ST3GAL1: variants seen among roughly 807,000 people sequenced by gnomAD.
ST3GAL1 encodes ST3 beta-galactoside alpha-2,3-sialyltransferase 1, also known as CMP-N-acetylneuraminate-beta-galactosamide-alpha-2,3-sialyltransferase 1.
In ST3GAL1, 16 loss-of-function variants were observed where a neutral mutation model predicts 34.1. The ratio of observed to expected loss-of-function variants is 0.47; its 90% confidence interval spans 0.32 to 0.71. The LOEUF (loss-of-function observed/expected upper bound fraction) is 0.71. Ranked by LOEUF, ST3GAL1 falls within the 30% of genes least tolerant of loss-of-function variation. The pLI is 0.04. For synonymous variants in ST3GAL1, 191 were observed against 184.7 expected, an observed-to-expected ratio of 1.03 and a Z score of -0.28; for missense variants, 353 against 447.4, an observed-to-expected ratio of 0.79 and a Z score of 1.90.
At chr8:133,565,838 G>T (rs955757973) in intron 1 of ST3GAL1, among the ~76,000 whole-genome samples, 1 of 141,128 alleles carries the variant, frequency 7.1e-6, no homozygotes, top group Middle Eastern at 3.4e-3. Context: ...GATGGGCCAG[G>T]GCCAGGGCCA....
intron 2 of ST3GAL1, chr8:133,539,849 T>C (rs981366851): frequency 6.6e-6 from 1 of 152,208 alleles, no homozygotes; most frequent in African/African-American, 2.4e-5. Flanking sequence ...TGAGTTGTGA[T>C]GGCACAACTG....
intron 3 of ST3GAL1, among the ~76,000 whole-genome samples, chr8:133,478,402 A>G (rs980826586): frequency 1.3e-5 from 2 of 152,150 alleles, no homozygotes; most frequent in African/African-American, 4.8e-5. Context: ...CCTGCTGGCT[A>G]TTTTGCTAGC....
intron 3 of ST3GAL1, among the ~76,000 whole-genome samples, chr8:133,486,131 A>G (rs544136763): frequency 6.6e-6 from 1 of 152,186 alleles, no homozygotes. Flanking sequence ...CACCTACCCA[A>G]GGCCCTCGGC....
At chr8:133,569,274 G>T (rs1023008579) in intron 1 of ST3GAL1, among the ~76,000 whole-genome samples, 1 of 152,200 alleles carries the variant, frequency 6.6e-6, no homozygotes, top group Non-Finnish European at 1.5e-5. Flanking sequence ...TTTTGAAAAG[G>T]CAAGAGGAGA....
At position 133,504,926 on chromosome 8, in the gene ST3GAL1, G is replaced by C. The variant is rs548172506; in HGVS notation, c.-428-5737C>G. Among the ~76,000 whole-genome samples the C allele has an allele frequency of 2.3e-4, 35 of 152,202 alleles. No homozygotes were observed. In the South Asian group the frequency reaches 2.5e-3, roughly 11 times the overall value. On this transcript the variant is annotated intron_variant, in intron 2 of 9. Transcript: ENST00000522652. ...GGGGAAGTAGAAAGAGTTGGTAATG[G>C]GGAGGAGAATCCACGATCTCGAAGT... is the stretch of plus-strand genomic sequence containing the variant.
chr8:133,478,081 T>C lies in ST3GAL1; in HGVS notation c.-373-1481A>G, dbSNP rs188924429. On this transcript the variant is annotated intron_variant, in intron 3 of 9. Coordinates refer to ENST00000522652, the MANE Select transcript of ST3GAL1 (RefSeq NM_173344.3). ...AGTTGGCAACGTCATTTTTATCCGG[T>C]CTCTGCTCCAGTTTTCACTTTTCAT... Among the ~76,000 whole-genome samples, 129 of 152,296 alleles carry C rather than the reference T, an allele frequency of 8.5e-4. No homozygotes were observed. The Middle Eastern group carries it at 0.01, about 12-fold the overall frequency.
At chr8:133,518,787 T>C (rs1032039978) in intron 2 of ST3GAL1, among the ~76,000 whole-genome samples, 2 of 152,138 alleles carry the variant, frequency 1.3e-5, no homozygotes, top group African/African-American at 2.4e-5. Context: ...TCAAGAAAAG[T>C]CTTCTAGGAG....
chr8:133,569,210 A>C (rs1374816222), intron 1 of ST3GAL1, among the ~76,000 whole-genome samples: 1 of 152,248 alleles, frequency 6.6e-6, no homozygotes, highest in Non-Finnish European at 1.5e-5. Flanking sequence ...GACTCTAAAC[A>C]GCAAATGCCG....
At chr8:133,499,984 G>A (rs1817095758) in intron 2 of ST3GAL1, among the ~76,000 whole-genome samples, 1 of 152,212 alleles carries the variant, frequency 6.6e-6, no homozygotes, top group Admixed American at 6.5e-5. Context: ...TAGGCATTTT[G>A]CGAAGGAACA....
chr8:133,458,677 G>A lies in ST3GAL1; in HGVS notation c.*1087C>T, dbSNP rs967886886. 6.6e-6 allele frequency: 1 copy of A among 152,170 alleles called. No homozygotes were observed. Among genetic ancestry groups the A allele is most frequent in the Non-Finnish European group, 1.5e-5 (1 of 68,042 alleles). 9.4% of individuals were successfully genotyped at this position (152,170 alleles called of 1,614,324 possible). On this transcript the variant is annotated 3_prime_UTR_variant, in exon 10 of 10. Transcript: ENST00000522652. ...CTACGGAGCAAGCAGGGCCGCTGGT[G>A]GGGGTCCCTTTTCCCAAGTAAGGGC...
At position 133,556,430 on chromosome 8, in the gene ST3GAL1, A is replaced by G. The variant is rs552256537; in HGVS notation, c.-581-10504T>C. Among the ~76,000 whole-genome samples, 4 of 152,236 alleles carry G rather than the reference A, an allele frequency of 2.6e-5. No individual in the cohort carries two copies. The East Asian group carries it at 5.8e-4, about 22-fold the overall frequency. ...GATGGACTGAATTTGCTTTCAGAGG[A>G]GTGAGATGCTGGCAGGCTGTACAGC... On this transcript the variant is annotated intron_variant, in intron 1 of 9. Transcript: ENST00000522652. The surrounding 1 kb of genome is among the most constrained non-coding windows in gnomAD (Gnocchi z 8.9).
intron 2 of ST3GAL1, among the ~76,000 whole-genome samples, chr8:133,520,835 G>A (rs1403662929): frequency 2.5e-4 from 37 of 148,660 alleles, no homozygotes; most frequent in African/African-American, 9.2e-4. Context: ...GCTATGGTGC[G>A]ATTCCAGCTC....
intron 2 of ST3GAL1, chr8:133,515,593 T>C (rs1472770938): frequency 6.6e-6 from 1 of 152,214 alleles, no homozygotes; most frequent in East Asian, 1.9e-4. Context: ...ATTTCTCCTC[T>C]TTGATGGAGA....
chr8:133,483,254 A>G (rs1023651950), intron 3 of ST3GAL1, among the ~76,000 whole-genome samples: 5 of 152,206 alleles, frequency 3.3e-5, no homozygotes, highest in Non-Finnish European at 7.3e-5. Flanking sequence ...AGGCAGGAGA[A>G]TCGCTTGAAC....
chr8:133,536,292 G>C (rs535729305), intron 2 of ST3GAL1, among the ~76,000 whole-genome samples: 3 of 152,332 alleles, frequency 2.0e-5, no homozygotes, highest in Non-Finnish European at 2.9e-5. Context: ...TTCCAGGATA[G>C]TAAGGGTCAT....
rs760234253 is a variant in ST3GAL1 at position 133,458,872 on chromosome 8, G to GT, written c.*891dup. The GT allele has an allele frequency of 5.7e-3, 855 of 149,332 alleles. 6 individuals carry two copies. Among genetic ancestry groups the GT allele is most frequent in the Middle Eastern group, 0.031 (9 of 294 alleles). 9.3% of individuals were successfully genotyped at this position (149,332 alleles called of 1,614,324 possible). A position where few individuals can be genotyped will look rare whatever the true frequency, so the allele number is the denominator to read the frequency against. ...TCAGAAACACGGTGCCAAGTTTGGG[G>GT]TTTTTTTTCTTTTCTTTTTTTTTTT... On this transcript the variant is annotated 3_prime_UTR_variant, in exon 10 of 10. Transcript: ENST00000522652.
Position 133,472,268 on chromosome 8 carries a change from T to C in ST3GAL1, c.306+3451A>G, listed in dbSNP as rs114950301. 4.0e-3 allele frequency among the ~76,000 whole-genome samples: 602 copies of C among 152,290 alleles called. 3 individuals carry two copies. The highest frequency in any genetic ancestry group is 0.014 in the African/African-American group (583 of 41,558). On this transcript the variant is annotated intron_variant, in intron 5 of 9. Transcript: ENST00000522652. ...CCAGGGCTGGGACGAGCTGGAATTGTGATGCCCACTTGACTGAGGAGGACT... is the reference window on the plus strand; with the variant it reads ...CCAGGGCTGGGACGAGCTGGAATTGCGATGCCCACTTGACTGAGGAGGACT...
chr8:133,543,678 G>C (rs1441778486), intron 2 of ST3GAL1, among the ~76,000 whole-genome samples: 1 of 152,016 alleles, frequency 6.6e-6, no homozygotes, highest in Non-Finnish European at 1.5e-5. Context: ...TTAGTGCATT[G>C]TATGTGCCAA....
At chr8:133,523,804 G>A (rs1047751773) in intron 2 of ST3GAL1, among the ~76,000 whole-genome samples, 12 of 152,202 alleles carry the variant, frequency 7.9e-5, no homozygotes, top group African/African-American at 1.4e-4. Flanking sequence ...CTCGTCTCTC[G>A]AAGTGGGAGT....
Sources: allele counts gnomAD v4.1 joint callset (sites outside exome capture counted in the v4.1 genomes callset), GRCh38; gene constraint gnomAD v4.1.1; non-coding constraint Gnocchi (gnomAD v3.1); transcripts MANE v1.5; gene names NCBI Gene and HGNC (gene_info 2026-07-23, HGNC 2026-07-21).